Variants in RBM38 observed in about 807,000 individuals in gnomAD.
The protein encoded by RBM38 is RNA-binding protein 38.
Under a neutral mutation model 23.5 loss-of-function variants are expected in RBM38, and 11 were observed. The observed-to-expected ratio is 0.47, with a 90% confidence interval of 0.29 to 0.77. The LOEUF (loss-of-function observed/expected upper bound fraction) is 0.77. Among genes scored for constraint, RBM38 ranks in the 30% least tolerant of loss-of-function variants. The probability of loss-of-function intolerance (pLI) is 0.08; values close to 1 mark genes in which losing one functional copy is unlikely to be tolerated. For synonymous variants in RBM38, 165 were observed against 166.1 expected (o/e 0.99, Z 0.05); for missense variants, 330 against 351.9 (o/e 0.94, Z 0.50).
chr20:57,397,992 A>G (rs1299832194), intron 3 of RBM38, among the ~76,000 whole-genome samples: 1 of 152,184 alleles, frequency 6.6e-6, no homozygotes, highest in Non-Finnish European at 1.5e-5. Flanking sequence ...GTGTAACTAC[A>G]CATGACATGT....
intron 3 of RBM38, among the ~76,000 whole-genome samples, chr20:57,398,261 TGTGTGTGTGTGTGTACGCACGCACAC>T (rs1213010015): frequency 6.6e-6 from 1 of 151,956 alleles, no homozygotes; most frequent in East Asian, 1.9e-4. Context: ...TGTGTGTGTG[TGTGTGTGTGTGTGTACGCACGCACAC>T]GTGTGCGGGC....
In RBM38 at chr20:57,407,443, GC is replaced by G. The variant is rs2067397309; in HGVS notation, c.417-99del. 7.4e-7 allele frequency: 1 copy of G among 1,353,294 alleles called. No homozygotes were observed. The highest frequency in any genetic ancestry group is 2.1e-5 in the Admixed American group (1 of 47,468). The allele number at this position is 1,353,294 out of a possible 1,614,324, so 83.8% of individuals were successfully genotyped here. A position where few individuals can be genotyped will look rare whatever the true frequency, so the allele number is the denominator to read the frequency against. On this transcript the variant is annotated intron_variant, in intron 3 of 3. Transcript: ENST00000356208. The surrounding 1 kb of genome is among the most constrained non-coding windows in gnomAD (Gnocchi z 4.0). The stretch of plus-strand genomic sequence containing the variant: ...CATCTGACCGATGAGGAAAGTCGGG[GC>G]TCGGGGTGGGGGGCGGCACGCATCG...
chr20:57,398,552 T>C lies in RBM38; in HGVS notation c.416+5219T>C, dbSNP rs113970248. On this transcript the variant is annotated intron_variant, in intron 3 of 3. Transcript: ENST00000356208. ...TCTCGTGGTGGCCCCGCCGCCCCCC[T>C]GCCCCCCCACAAGGCTTCCTGTTTG... Among the ~76,000 whole-genome samples, 3 of 144,844 alleles carry C rather than the reference T, an allele frequency of 2.1e-5. No homozygotes were observed. The South Asian group carries it at 6.2e-4, about 30-fold the overall frequency.
intron 3 of RBM38, chr20:57,400,054 A>G (rs2146211278): frequency 2.2e-6 from 1 of 451,478 alleles, no homozygotes; most frequent in Non-Finnish European, 4.5e-6. Context: ...CCCGCCCACC[A>G]CGGGGTTCTC....
chr20:57,393,492 A>G (rs2067242341), intron 3 of RBM38, among the ~76,000 whole-genome samples, 159 bp downstream of exon 3: 1 of 152,178 alleles, frequency 6.6e-6, no homozygotes, highest in Non-Finnish European at 1.5e-5. Context: ...GCACTTCTCC[A>G]TCCCTGGCAG....
intron 3 of RBM38, chr20:57,399,863 G>A: frequency 2.2e-6 from 1 of 456,260 alleles, no homozygotes. Context: ...CCGAGGTGGG[G>A]CAAGGCCCCT....
intron 3 of RBM38, among the ~76,000 whole-genome samples, chr20:57,400,264 G>A (rs915891200): frequency 2.0e-5 from 3 of 152,182 alleles, no homozygotes; most frequent in African/African-American, 7.2e-5. Context: ...AGTCAGCTGG[G>A]GTGCTCTTGA....
At chr20:57,400,735 A>G (rs922174024) in intron 3 of RBM38, among the ~76,000 whole-genome samples, 1 of 151,236 alleles carries the variant, frequency 6.6e-6, no homozygotes, top group Non-Finnish European at 1.5e-5. Context: ...TCCGCCTCTG[A>G]TTGGTGCAAG....
At chr20:57,406,553 G>A (rs936342307) in intron 3 of RBM38, among the ~76,000 whole-genome samples, 13 of 152,180 alleles carry the variant, frequency 8.5e-5, no homozygotes, top group Non-Finnish European at 1.5e-5. Flanking sequence ...TCCCCCCAGC[G>A]TGGGCGCTGG....
chr20:57,398,709 T>C (rs868022557), intron 3 of RBM38, among the ~76,000 whole-genome samples: 3 of 152,248 alleles, frequency 2.0e-5, no homozygotes, highest in African/African-American at 7.2e-5. Context: ...TCTCCGAGCA[T>C]GAGTTCTCAC....
intron 3 of RBM38, among the ~76,000 whole-genome samples, chr20:57,405,124 A>G (rs73293840): frequency 0.033 from 4,949 of 152,252 alleles, 249 homozygotes; most frequent in African/African-American, 0.11. Flanking sequence ...CCCTCCTTCA[A>G]GAAGCCACCC....
Position 57,407,748 on chromosome 20 carries a change from C to T in RBM38, c.622C>T (p.Pro208Ser). 1 of 1,610,824 alleles carries T rather than the reference C, an allele frequency of 6.2e-7. No homozygotes were observed. The highest frequency in any genetic ancestry group is 1.1e-5 in the South Asian group (1 of 90,904). ...TGCCAGCTTCGTGGGCTACAGCTAC[C>T]CTGCCGCCGTGCCCCAGGCCCTCTC... ...TAASFVGYSY[P>S]AAVPQALSAA... Residue 208 changes from proline to serine, a missense_variant, in exon 4 of 4, where the codon CCT (proline) becomes TCT (serine). Pro to Ser is a moderately conservative substitution (Grantham distance 74). This residue lies in a region of RBM38 where 227 missense variants were observed against 216.4 expected (regional missense o/e 1.05). Coordinates refer to ENST00000356208, the MANE Select transcript of RBM38 (RefSeq NM_017495.6). This position sits in a 1 kb window ranked among gnomAD's most constrained non-coding sequence, Gnocchi z 4.0.
At chr20:57,393,070 C>A in intron 2 of RBM38, 1 of 643,450 alleles carries the variant, frequency 1.6e-6, no homozygotes, top group Non-Finnish European at 2.7e-6. Context: ...AGTGCCGACA[C>A]CAGTGGCTGC....
At chr20:57,402,860 T>A (rs895620788) in intron 3 of RBM38, among the ~76,000 whole-genome samples, 1 of 152,244 alleles carries the variant, frequency 6.6e-6, no homozygotes, top group Non-Finnish European at 1.5e-5. Context: ...CTGCCTTCTT[T>A]GTGGCCGCCC....
intron 3 of RBM38, among the ~76,000 whole-genome samples, chr20:57,403,837 G>A (rs920004309): frequency 6.6e-6 from 1 of 152,210 alleles, no homozygotes. Context: ...GGCTAGGCTG[G>A]TCCTGAACTC....
rs186311871 is a variant in RBM38 at position 57,406,887 on chromosome 20, A to T, written c.417-656A>T. Reference sequence around the variant, plus strand: ...CGGGCACCTGTAGTCCCAGCTACTCAGGAGGCTGAGGCAGGAGAATGGCGT... The same window carrying T: ...CGGGCACCTGTAGTCCCAGCTACTCTGGAGGCTGAGGCAGGAGAATGGCGT... On this transcript the variant is annotated intron_variant, in intron 3 of 3. Transcript: ENST00000356208. 2.6e-4 allele frequency among the ~76,000 whole-genome samples: 39 copies of T among 151,774 alleles called. No individual in the cohort carries two copies. In the East Asian group the frequency reaches 7.2e-3, roughly 28 times the overall value.
intron 2 of RBM38, 167 bp downstream of exon 2, chr20:57,392,944 C>A: frequency 1.1e-6 from 1 of 932,486 alleles, no homozygotes; most frequent in Non-Finnish European, 1.6e-6. Context: ...GGATCTAGAC[C>A]CCTTCTCACA....
intron 3 of RBM38, among the ~76,000 whole-genome samples, chr20:57,397,728 A>G (rs1568808260): frequency 6.6e-6 from 1 of 152,244 alleles, no homozygotes. Context: ...TCCCAGCATC[A>G]TTCATTCATC....
intron 3 of RBM38, among the ~76,000 whole-genome samples, chr20:57,398,662 C>G (rs1024458553): frequency 1.3e-5 from 2 of 152,284 alleles, no homozygotes; most frequent in Non-Finnish European, 2.9e-5. Flanking sequence ...GTCCTGTCTG[C>G]TGAAACAGAA....
Sources: allele counts gnomAD v4.1 joint callset (sites outside exome capture counted in the v4.1 genomes callset), GRCh38; gene constraint gnomAD v4.1.1; regional missense constraint gnomAD v4.1.1; non-coding constraint Gnocchi (gnomAD v3.1); transcripts MANE v1.5; gene names NCBI Gene and HGNC (gene_info 2026-07-23, HGNC 2026-07-21).